The following CRPPA variants were observed in gnomAD, a reference collection of about 807,000 sequenced individuals.
CRPPA encodes the protein D-ribitol-5-phosphate cytidylyltransferase.
CRPPA carries 43 observed loss-of-function variants against 52.0 expected under a neutral mutation model. That is an observed-to-expected ratio of 0.83 (90% CI 0.65 to 1.07). The LOEUF is 1.07. Ranked by LOEUF, CRPPA falls within the 50% of genes least tolerant of loss-of-function variation. The probability of loss-of-function intolerance (pLI) is 0.00; values close to 1 mark genes in which losing one functional copy is unlikely to be tolerated. For missense variants in CRPPA, 629 were observed against 551.7 expected (o/e 1.14, Z -1.40); for synonymous variants, 250 against 203.5 (o/e 1.23, Z -1.94).
intron 5 of CRPPA, among the ~76,000 whole-genome samples, chr7:16,290,571 T>G (rs910033927): frequency 1.3e-5 from 2 of 151,928 alleles, no homozygotes; most frequent in African/African-American, 4.8e-5. Context: ...CTTTGACAAA[T>G]GGGAAAACAG....
chr7:16,394,286 C>T (rs1045342713), intron 2 of CRPPA, among the ~76,000 whole-genome samples: 7 of 152,052 alleles, frequency 4.6e-5, no homozygotes, highest in Admixed American at 1.3e-4. Flanking sequence ...GTAGTGATTA[C>T]GAACAAACTA....
At chr7:16,391,454 C>T (rs1371448520) in intron 2 of CRPPA, among the ~76,000 whole-genome samples, 1 of 152,168 alleles carries the variant, frequency 6.6e-6, no homozygotes. Context: ...TGTCCTTCCA[C>T]AGCCTATTCT....
chr7:16,290,921 A>C (rs1261860994), intron 5 of CRPPA, among the ~76,000 whole-genome samples: 1 of 151,598 alleles, frequency 6.6e-6, no homozygotes, highest in African/African-American at 2.4e-5. Flanking sequence ...TATACAAGGA[A>C]CTCAACAGCA....
At chr7:16,306,487 C>G (rs953133503) in intron 4 of CRPPA, among the ~76,000 whole-genome samples, 1 of 152,172 alleles carries the variant, frequency 6.6e-6, no homozygotes, top group Non-Finnish European at 1.5e-5. Context: ...ATGTAACATT[C>G]AGAGAGTAAT....
At chr7:16,241,185 C>G (rs529515302) in intron 8 of CRPPA, among the ~76,000 whole-genome samples, 1 of 152,040 alleles carries the variant, frequency 6.6e-6, no homozygotes, top group Admixed American at 6.5e-5. Flanking sequence ...TGGATGATGA[C>G]TTTCTTTTCT....
intron 3 of CRPPA, among the ~76,000 whole-genome samples, chr7:16,350,668 C>T (rs1283673353): frequency 1.3e-5 from 2 of 152,010 alleles, no homozygotes; most frequent in East Asian, 3.9e-4. Context: ...CATCAAACCA[C>T]AAATGAAGCA....
intron 5 of CRPPA, among the ~76,000 whole-genome samples, chr7:16,301,059 G>A (rs974973468): frequency 1.2e-4 from 19 of 152,084 alleles, no homozygotes; most frequent in African/African-American, 3.4e-4. Context: ...CTAATGTACC[G>A]ACACGACACT....
At chr7:16,299,116 T>A (rs1423473478) in intron 5 of CRPPA, among the ~76,000 whole-genome samples, 4 of 152,206 alleles carry the variant, frequency 2.6e-5, no homozygotes, top group African/African-American at 9.6e-5. Context: ...ACAACCCTGA[T>A]TAATACACTA....
chr7:16,155,050 T>G (rs1783151320), intron 9 of CRPPA, among the ~76,000 whole-genome samples: 1 of 150,612 alleles, frequency 6.6e-6, no homozygotes, highest in Admixed American at 6.6e-5. Flanking sequence ...ACTCCTGACC[T>G]CAAATGATCC....
intron 9 of CRPPA, among the ~76,000 whole-genome samples, chr7:16,174,971 A>T (rs76325313): frequency 0.022 from 3,313 of 152,242 alleles, 131 homozygotes; most frequent in African/African-American, 0.075. Flanking sequence ...GATATACCTC[A>T]GGTCTCCAAC....
At chr7:16,157,317 G>C (rs998201646) in intron 9 of CRPPA, among the ~76,000 whole-genome samples, 1 of 152,012 alleles carries the variant, frequency 6.6e-6, no homozygotes, top group Non-Finnish European at 1.5e-5. Context: ...ACATCTGAGA[G>C]CTGGGAGAAG....
In CRPPA at chr7:16,152,509, G is replaced by A. The variant is rs1425030415; in HGVS notation, c.1252-60710C>T. Among the ~76,000 whole-genome samples the A allele has an allele frequency of 2.6e-5, 4 of 151,972 alleles. No homozygotes were observed. The East Asian group carries it at 7.7e-4, about 29-fold the overall frequency. Reference sequence around the variant, plus strand: ...GTGAATTAAAAGTGTCATTCCCATTGTTTAAAAGATTTTCTGCTAATTATC... The same window carrying A: ...GTGAATTAAAAGTGTCATTCCCATTATTTAAAAGATTTTCTGCTAATTATC... On this transcript the variant is annotated intron_variant, in intron 9 of 9. Coordinates refer to ENST00000407010, the MANE Select transcript of CRPPA (RefSeq NM_001101426.4).
chr7:16,179,958 T>C (rs1230583706), intron 9 of CRPPA, among the ~76,000 whole-genome samples: 1 of 152,148 alleles, frequency 6.6e-6, no homozygotes, highest in Non-Finnish European at 1.5e-5. Flanking sequence ...AATGAAGAAA[T>C]CTGTTTTCTG....
At chr7:16,316,285 T>C (rs947594707) in intron 3 of CRPPA, among the ~76,000 whole-genome samples, 2 of 152,066 alleles carry the variant, frequency 1.3e-5, no homozygotes, top group African/African-American at 4.8e-5. Context: ...AAATGAGTTA[T>C]CTCTGGGAGA....
intron 9 of CRPPA, among the ~76,000 whole-genome samples, chr7:16,114,116 T>C (rs1322357075): frequency 6.6e-6 from 1 of 151,716 alleles, no homozygotes; most frequent in South Asian, 2.1e-4. Context: ...TTCAAATAAA[T>C]GGGCAAAGAA....
At chr7:16,302,593 A>G (rs1443363368) in intron 4 of CRPPA, among the ~76,000 whole-genome samples, 1 of 152,222 alleles carries the variant, frequency 6.6e-6, no homozygotes, top group Non-Finnish European at 1.5e-5. Context: ...ACCCACTTTG[A>G]GAAATTCCTA....
intron 2 of CRPPA, among the ~76,000 whole-genome samples, chr7:16,399,468 TGACAA>T (rs751823492): frequency 4.6e-5 from 7 of 151,410 alleles, no homozygotes; most frequent in Non-Finnish European, 7.4e-5. Flanking sequence ...GATACGAGAT[TGACAA>T]GACGTTTGAT....
intron 5 of CRPPA, among the ~76,000 whole-genome samples, chr7:16,296,638 T>C (rs1784681058): frequency 6.6e-6 from 1 of 151,864 alleles, no homozygotes; most frequent in Non-Finnish European, 1.5e-5. Flanking sequence ...CAAAAAAAGT[T>C]CCATCCTAGA....
intron 5 of CRPPA, among the ~76,000 whole-genome samples, chr7:16,294,252 C>G (rs1784626442): frequency 6.6e-6 from 1 of 151,778 alleles, no homozygotes; most frequent in Non-Finnish European, 1.5e-5. Context: ...TTTTAACTAC[C>G]TACATCAGAG....
Sources: allele counts gnomAD v4.1 joint callset (sites outside exome capture counted in the v4.1 genomes callset), GRCh38; gene constraint gnomAD v4.1.1; transcripts MANE v1.5; gene names NCBI Gene and HGNC (gene_info 2026-07-23, HGNC 2026-07-21).